The following COL4A3 variants were observed in gnomAD, a reference collection of about 807,000 sequenced individuals.
COL4A3 encodes the protein collagen alpha-3(IV) chain.
Under a neutral mutation model 217.4 loss-of-function variants are expected in COL4A3, and 135 were observed. The ratio of observed to expected loss-of-function variants is 0.62; its 90% CI spans 0.54 to 0.72. The LOEUF is 0.72. COL4A3 is among the 30% of genes least tolerant of loss of function. The probability of loss-of-function intolerance (pLI) is 0.00; values close to 1 mark genes in which losing one functional copy is unlikely to be tolerated. For missense variants in COL4A3, 1,868 were observed against 2,119.9 expected, an observed-to-expected ratio of 0.88 and a Z score of 2.33; for synonymous variants, 690 against 736.3, an observed-to-expected ratio of 0.94 and a Z score of 1.02.
In COL4A3 at chr2:227,280,951, G is replaced by A. The variant is rs769169195; in HGVS notation, c.2433G>A (p.Glu811=). 6.4e-7 allele frequency: 1 copy of A among 1,568,464 alleles called. No individual in the cohort carries two copies. The highest frequency in any genetic ancestry group is 1.9e-5 in the Admixed American group (1 of 53,932). The part of the protein sequence containing the change: ...GEQGPPGRCI[E]GPRGAQGLPG... ...AAGGACCCCCAGGAAGGTGCATAGA[G>A]GGTCCCAGGGGAGCCCAAGGACTTC... Residue 811 remains glutamate, a synonymous_variant, in exon 31 of 52, where the codon GAG becomes GAA. Coordinates refer to ENST00000396578, the MANE Select transcript of COL4A3 (RefSeq NM_000091.5).
chr2:227,218,321 C>T (rs2093658281), intron 1 of COL4A3, among the ~76,000 whole-genome samples: 1 of 151,722 alleles, frequency 6.6e-6, no homozygotes, highest in African/African-American at 2.4e-5. Flanking sequence ...AAAAAATTAG[C>T]CGGGCGTGGT....
intron 41 of COL4A3, among the ~76,000 whole-genome samples, chr2:227,297,215 G>A (rs968613512): frequency 1.3e-5 from 2 of 152,210 alleles, no homozygotes; most frequent in Non-Finnish European, 2.9e-5. Flanking sequence ...GTGCTACGCA[G>A]TTTAGCTTCT....
At position 227,289,222 on chromosome 2, in the gene COL4A3, G is replaced by A. The variant is rs121912827; in HGVS notation, c.2954G>A (p.Gly985Glu). Residue 985 changes from glycine to glutamate, a missense_variant, in exon 35 of 52, where the codon GGA (glycine) becomes GAA (glutamate). Coordinates refer to ENST00000396578, the MANE Select transcript of COL4A3 (RefSeq NM_000091.5). ...ATGCCAGGTTTAAAGGGCCTCAAAG[G>A]ACTACCCGGACCAGCAGGACCACCA... ...PGMPGLKGLK[G>E]LPGPAGPPGP... The A allele has an allele frequency of 3.1e-6, 5 of 1,613,608 alleles. No homozygotes were observed. In the African/African-American group the frequency reaches 6.7e-5, roughly 22 times the overall value.
intron 3 of COL4A3, among the ~76,000 whole-genome samples, chr2:227,242,763 T>C (rs1396281805): frequency 6.6e-6 from 1 of 152,214 alleles, no homozygotes; most frequent in Non-Finnish European, 1.5e-5. Flanking sequence ...AGAACAAATA[T>C]GTGTTTCTTA....
Position 227,295,060 on chromosome 2 carries a change from C to T in COL4A3, c.3515C>T (p.Thr1172Met), listed in dbSNP as rs373950389. 254 of 1,612,320 alleles carry T rather than the reference C, an allele frequency of 1.6e-4. No individual in the cohort carries two copies. The highest frequency in any genetic ancestry group is 2.1e-4 in the Non-Finnish European group (243 of 1,179,060). The change falls in exon 40 of 52, where the codon ACG becomes ATG. Residue 1172 changes from threonine to methionine, a missense_variant and splice_region_variant. Transcript: ENST00000396578. The part of the protein sequence containing the change: ...IPGPAGEKGE[T>M]GLLRAPPGPR... ...GGTCCAGCCGGAGAAAAGGGAGAAA[C>T]GGGTACAACTTGCTCATTATCTTTG...
rs754231408 is a variant in COL4A3, at chr2:227,303,980, C to T, written c.4028-39C>T. The T allele has an allele frequency of 1.7e-5, 28 of 1,614,196 alleles. No individual in the cohort carries two copies. The South Asian group carries it at 1.9e-4, about 11-fold the overall frequency. On this transcript the variant is annotated intron_variant, in intron 45 of 51. Coordinates refer to ENST00000396578, the MANE Select transcript of COL4A3 (RefSeq NM_000091.5). ...TGTCAATGAAGAAAGGTAACACATC[C>T]GTGAGGCCATCATCTTCTTCTTATG...
At chr2:227,289,977 T>C (rs2072583090) in intron 35 of COL4A3, 22 bp from the exon 36 acceptor site, 1 of 1,608,920 alleles carries the variant, frequency 6.2e-7, no homozygotes, top group Admixed American at 1.7e-5. Flanking sequence ...TGCAGGGCAA[T>C]AACTACTTAT....
rs182150817 is a variant in COL4A3, at chr2:227,198,304, G to C, written c.87+33491G>C. ...TCAGGATTTAATCAAGCTTGGATTT[G>C]TGAATGGCCATCAGAGTCTGATTAG... On this transcript the variant is annotated intron_variant, in intron 1 of 51. Coordinates refer to ENST00000396578, the MANE Select transcript of COL4A3 (RefSeq NM_000091.5). Among the ~76,000 whole-genome samples the C allele has an allele frequency of 3.9e-5, 6 of 152,266 alleles. No homozygotes were observed. The East Asian group carries it at 1.2e-3, about 29-fold the overall frequency.
At chr2:227,243,477 T>A in intron 3 of COL4A3, among the ~76,000 whole-genome samples, 1 of 152,344 alleles carries the variant, frequency 6.6e-6, no homozygotes, top group South Asian at 2.1e-4. Flanking sequence ...TGAATAGAAT[T>A]CTGTGGGAAG....
intron 38 of COL4A3, chr2:227,293,620 T>C: frequency 4.3e-6 from 2 of 468,728 alleles, no homozygotes; most frequent in Non-Finnish European, 8.3e-6. Context: ...AATGTTTGTA[T>C]TAGTTTGTCC....
At chr2:227,240,001 ATTATGATTTTT>A in intron 2 of COL4A3, 131 bp from the exon 3 acceptor site, 2 of 816,852 alleles carry the variant, frequency 2.4e-6, no homozygotes, top group Non-Finnish European at 4.2e-6. Flanking sequence ...CTGAGTGCTA[ATTATGATTTTT>A]TTAATCCAAG....
intron 1 of COL4A3, among the ~76,000 whole-genome samples, chr2:227,195,665 A>ATGTG (rs769877364): frequency 0.17 from 22,389 of 127,978 alleles, 2,148 homozygotes; most frequent in Non-Finnish European, 0.23. Context: ...ATATATATAT[A>ATGTG]TATGTGTGTG....
At position 227,253,633 on chromosome 2, in the gene COL4A3, A is replaced by G; in HGVS notation, c.760A>G (p.Arg254Gly). The part of the protein sequence containing the change: ...VIVTLTGPDN[R>G]TDLKGEKGDK... ...TGTGACCCTAACTGGCCCAGATAAC[A>G]GAACGGTAACTCTGCGATTTTATGA... The change falls in exon 13 of 52, where the codon AGA becomes GGA. Residue 254 changes from arginine to glycine, a missense_variant. By Grantham distance (125) the Arg-to-Gly change is moderately radical. Transcript: ENST00000396578. The surrounding 1 kb of genome is among the most constrained non-coding windows in gnomAD (Gnocchi z 4.4). The G allele has an allele frequency of 6.2e-7, 1 of 1,613,774 alleles. No individual in the cohort carries two copies.
At chr2:227,232,044 AGTGAGAATATACAAT>A (rs2068436727) in intron 1 of COL4A3, among the ~76,000 whole-genome samples, 1 of 152,136 alleles carries the variant, frequency 6.6e-6, no homozygotes, top group South Asian at 2.1e-4. Context: ...CCCACACATA[AGTGAGAATATACAAT>A]GTTTGTCTTT....
intron 1 of COL4A3, among the ~76,000 whole-genome samples, chr2:227,235,190 T>C (rs774634964): frequency 6.8e-6 from 1 of 146,802 alleles, no homozygotes; most frequent in Non-Finnish European, 1.5e-5. Context: ...AGGACTTGCA[T>C]TTCTGACAAG....
At chr2:227,184,010 A>T (rs1215560312) in intron 1 of COL4A3, among the ~76,000 whole-genome samples, 8 of 152,108 alleles carry the variant, frequency 5.3e-5, no homozygotes, top group Non-Finnish European at 1.2e-4. Context: ...TGCTGCCCCC[A>T]TGTCATTCCA....
intron 28 of COL4A3, among the ~76,000 whole-genome samples, chr2:227,277,852 T>C (rs2071679327): frequency 6.6e-6 from 1 of 151,778 alleles, no homozygotes; most frequent in African/African-American, 2.4e-5. Flanking sequence ...ATACAAACAT[T>C]AGCCGGGTGT....
rs546968309 is a variant in COL4A3, at chr2:227,186,158, G to A, written c.87+21345G>A. ...CCCTTGGGGTGGTGTTTGGAGAACG[G>A]GAGATTATTTGATTTGGTTTGATTT... is the stretch of plus-strand genomic sequence containing the variant. On this transcript the variant is annotated intron_variant, in intron 1 of 51. Coordinates refer to ENST00000396578, the MANE Select transcript of COL4A3 (RefSeq NM_000091.5). Among the ~76,000 whole-genome samples the A allele has an allele frequency of 2.6e-5, 4 of 152,328 alleles. No individual in the cohort carries two copies. In the East Asian group the frequency reaches 7.7e-4, roughly 29 times the overall value.
chr2:227,212,162 T>G (rs111313034), intron 1 of COL4A3, among the ~76,000 whole-genome samples: 2,227 of 100,918 alleles, frequency 0.022, 25 homozygotes, highest in Non-Finnish European at 0.03. Context: ...GTTTTTTTTG[T>G]TTTTTTTTGT....
Sources: allele counts gnomAD v4.1 joint callset (sites outside exome capture counted in the v4.1 genomes callset), GRCh38; gene constraint gnomAD v4.1.1; non-coding constraint Gnocchi (gnomAD v3.1); transcripts MANE v1.5; gene names NCBI Gene and HGNC (gene_info 2026-07-23, HGNC 2026-07-21).